The following LDLRAD3 variants were observed in gnomAD, a reference collection of about 807,000 sequenced individuals.
LDLRAD3 encodes the protein low-density lipoprotein receptor class A domain-containing protein 3.
In LDLRAD3, 20 loss-of-function variants were observed where a neutral mutation model predicts 29.4. The ratio of observed to expected loss-of-function variants is 0.68; its 90% CI spans 0.48 to 0.99. LDLRAD3 has a LOEUF of 0.99. LDLRAD3 is among the 50% of genes least tolerant of loss of function. The probability of loss-of-function intolerance (pLI) is 0.00; values close to 1 mark genes in which losing one functional copy is unlikely to be tolerated. For synonymous variants in LDLRAD3, 157 were observed against 192.7 expected, an observed-to-expected ratio of 0.81 and a Z score of 1.53; for missense variants, 420 against 454.3, an observed-to-expected ratio of 0.92 and a Z score of 0.69.
At chr11:36,115,562 G>C (rs554781519) in intron 4 of LDLRAD3, among the ~76,000 whole-genome samples, 1 of 152,270 alleles carries the variant, frequency 6.6e-6, no homozygotes, top group Admixed American at 6.5e-5. Context: ...GGTTGCACAC[G>C]AAGGCCAGAA....
At chr11:36,058,200 C>A (rs750768218) in intron 2 of LDLRAD3, among the ~76,000 whole-genome samples, 3 of 152,178 alleles carry the variant, frequency 2.0e-5, no homozygotes, top group East Asian at 1.9e-4. Context: ...GCTCTCCGCC[C>A]GCCAGCTCTG....
intron 1 of LDLRAD3, among the ~76,000 whole-genome samples, chr11:35,975,938 A>T (rs571338161): frequency 5.9e-5 from 9 of 151,702 alleles, no homozygotes; most frequent in African/African-American, 2.2e-4. Context: ...TGAGTAGAGC[A>T]TTGTGTGCCC....
In LDLRAD3 at chr11:36,148,351, C is replaced by T. The variant is rs548563214; in HGVS notation, c.454+49890C>T. Among the ~76,000 whole-genome samples, 3 of 152,294 alleles carry T rather than the reference C, an allele frequency of 2.0e-5. No individual in the cohort carries two copies. The East Asian group carries it at 5.8e-4, about 29-fold the overall frequency. ...AGCGGGAAGGAGACATCTGCGAGTG[C>T]TCAGATGACTATCTCGATACACTCA... On this transcript the variant is annotated intron_variant, in intron 4 of 5. Transcript: ENST00000315571.
intron 4 of LDLRAD3, chr11:36,102,024 AACTACAGGCGCCCGCC>A (rs1357588380): frequency 1.6e-4 from 32 of 198,050 alleles, no homozygotes; most frequent in African/African-American, 7.7e-4. Flanking sequence ...GAGTAGCTGG[AACTACAGGCGCCCGCC>A]ACTACGCCTG....
chr11:36,110,167 G>GT (rs1853586768), intron 4 of LDLRAD3: 1 of 152,202 alleles, frequency 6.6e-6, no homozygotes, highest in Non-Finnish European at 1.5e-5. Context: ...AGCAGCAGGA[G>GT]TTTGAAGATT....
intron 2 of LDLRAD3, among the ~76,000 whole-genome samples, chr11:36,038,963 ATTTC>A (rs771276744): frequency 5.7e-4 from 50 of 88,282 alleles, no homozygotes; most frequent in African/African-American, 1.3e-3. Flanking sequence ...TTCATTTAAA[ATTTC>A]TTTCTTTTTT....
intron 4 of LDLRAD3, among the ~76,000 whole-genome samples, chr11:36,191,811 C>G (rs934966583): frequency 6.6e-6 from 1 of 151,528 alleles, no homozygotes; most frequent in Non-Finnish European, 1.5e-5. Flanking sequence ...CATAGTATAC[C>G]TGTGTTGTTC....
intron 1 of LDLRAD3, among the ~76,000 whole-genome samples, chr11:35,945,612 C>T (rs1044767473): frequency 3.9e-5 from 6 of 152,094 alleles, no homozygotes; most frequent in East Asian, 1.9e-4. Flanking sequence ...ATTTTCAGGG[C>T]GTCTACAGAT....
chr11:36,177,417 T>G (rs376840115), intron 4 of LDLRAD3, among the ~76,000 whole-genome samples: 3 of 152,278 alleles, frequency 2.0e-5, no homozygotes, highest in East Asian at 3.9e-4. Flanking sequence ...CCAGAATTGT[T>G]TTTCTGGTTC....
At chr11:36,031,060 A>G (rs1480659950) in intron 1 of LDLRAD3, among the ~76,000 whole-genome samples, 1 of 151,856 alleles carries the variant, frequency 6.6e-6, no homozygotes, top group Non-Finnish European at 1.5e-5. Flanking sequence ...GCCTTTGTCC[A>G]ATAGAATGGG....
intron 4 of LDLRAD3, among the ~76,000 whole-genome samples, chr11:36,180,497 G>A (rs1367065798): frequency 2.0e-5 from 3 of 152,148 alleles, no homozygotes; most frequent in Non-Finnish European, 2.9e-5. Context: ...GGAGGCCTGC[G>A]AGGAGAGTGG....
chr11:36,128,135 T>TATATATA (rs1853868204), intron 4 of LDLRAD3, among the ~76,000 whole-genome samples: 2 of 125,644 alleles, frequency 1.6e-5, no homozygotes, highest in African/African-American at 6.0e-5. Flanking sequence ...TATATATATA[T>TATATATA]GTATATGACA....
intron 4 of LDLRAD3, among the ~76,000 whole-genome samples, chr11:36,102,630 A>G (rs1190015103): frequency 6.6e-6 from 1 of 152,186 alleles, no homozygotes; most frequent in East Asian, 1.9e-4. Context: ...TTTGTATTCT[A>G]TATGAGATGT....
At chr11:35,950,950 G>A (rs1223853481) in intron 1 of LDLRAD3, among the ~76,000 whole-genome samples, 2 of 152,014 alleles carry the variant, frequency 1.3e-5, no homozygotes, top group Non-Finnish European at 2.9e-5. Context: ...GGGAGTGGTG[G>A]CACGCACCTG....
intron 5 of LDLRAD3, among the ~76,000 whole-genome samples, chr11:36,228,156 C>T (rs1350143777): frequency 1.3e-5 from 2 of 152,176 alleles, no homozygotes; most frequent in Non-Finnish European, 2.9e-5. Context: ...TGGCATTAGA[C>T]ATTTTGCTGG....
intron 4 of LDLRAD3, among the ~76,000 whole-genome samples, chr11:36,191,534 CCCTG>C (rs1854941978): frequency 7.5e-6 from 1 of 132,500 alleles, no homozygotes; most frequent in Non-Finnish European, 1.6e-5. Flanking sequence ...CAGAGCAAGA[CCCTG>C]TCTCTCTCTC....
intron 4 of LDLRAD3, among the ~76,000 whole-genome samples, chr11:36,140,992 T>TCTCTCTCTCTCTCTC (rs1854073899): frequency 1.8e-5 from 2 of 109,996 alleles, no homozygotes; most frequent in Admixed American, 1.1e-4. Context: ...CTGTTGAGCT[T>TCTCTCTCTCTCTCTC]TCTCTCTCTC....
chr11:36,027,166 A>C (rs1298581521), intron 1 of LDLRAD3, among the ~76,000 whole-genome samples: 1 of 152,176 alleles, frequency 6.6e-6, no homozygotes, highest in Non-Finnish European at 1.5e-5. Context: ...CTTGCCACTT[A>C]AGAATGTCAG....
At chr11:36,054,970 C>CATGGATGGATGGATGGATGGATGG (rs147422335) in intron 2 of LDLRAD3, among the ~76,000 whole-genome samples, 1 of 87,310 alleles carries the variant, frequency 1.1e-5, no homozygotes, top group African/African-American at 4.6e-5. Context: ...TGGATGGATG[C>CATGGATGGATGGATGGATGGATGG]ATGGATGGAT....
Sources: allele counts gnomAD v4.1 joint callset (sites outside exome capture counted in the v4.1 genomes callset), GRCh38; gene constraint gnomAD v4.1.1; transcripts MANE v1.5; gene names NCBI Gene and HGNC (gene_info 2026-07-23, HGNC 2026-07-21).